LYPLAL1: variants seen among roughly 807,000 people sequenced by gnomAD.
LYPLAL1 encodes the protein lysophospholipase like 1, also known as lysophospholipase-like protein 1.
LYPLAL1 carries 23 observed loss-of-function variants against 19.7 expected under a neutral mutation model. The observed-to-expected ratio is 1.17, with a 90% CI of 0.84 to 1.65. The LOEUF is 1.65. LYPLAL1 is among the 40% of genes most tolerant of loss of function. The pLI is 0.00. For synonymous variants in LYPLAL1, 119 were observed against 96.3 expected (o/e 1.24, Z -1.38); for missense variants, 355 against 279.4 (o/e 1.27, Z -1.93).
chr1:219,246,568 C>G, the LYPLAL1 span, among the ~76,000 whole-genome samples: 1 of 152,158 alleles, frequency 6.6e-6, no homozygotes, highest in African/African-American at 2.4e-5. Flanking sequence ...GCCCCGTTTA[C>G]AAGTAGACAA....
chr1:219,308,347 T>A, the LYPLAL1 span, among the ~76,000 whole-genome samples: 1 of 152,074 alleles, frequency 6.6e-6, no homozygotes, highest in African/African-American at 2.4e-5. Flanking sequence ...GAAAAGAAAA[T>A]CCCATTTTAT....
chr1:219,196,742 A>G (rs1279884421), intron 3 of LYPLAL1, among the ~76,000 whole-genome samples: 4 of 152,180 alleles, frequency 2.6e-5, no homozygotes, highest in South Asian at 4.1e-4. Flanking sequence ...TCCAATATCT[A>G]GAAAACTCTA....
At chr1:219,392,482 G>A in the LYPLAL1 span, among the ~76,000 whole-genome samples, 2 of 152,164 alleles carry the variant, frequency 1.3e-5, no homozygotes, top group Non-Finnish European at 2.9e-5. Context: ...GCTATGATGG[G>A]CAAGGGAATC....
intron 3 of LYPLAL1, among the ~76,000 whole-genome samples, chr1:219,203,849 A>G (rs1427614276): frequency 2.0e-5 from 3 of 152,222 alleles, no homozygotes; most frequent in South Asian, 4.1e-4. Flanking sequence ...CAATAGATCT[A>G]GTAGAATGAT....
At chr1:219,239,659 T>C in the LYPLAL1 span, among the ~76,000 whole-genome samples, 1 of 152,198 alleles carries the variant, frequency 6.6e-6, no homozygotes, top group Non-Finnish European at 1.5e-5. Context: ...CAATTTATAG[T>C]CAACTAAATG....
chr1:219,283,876 G>A, the LYPLAL1 span, among the ~76,000 whole-genome samples: 1 of 152,184 alleles, frequency 6.6e-6, no homozygotes, highest in Non-Finnish European at 1.5e-5. Context: ...TAATGTAGAT[G>A]TTCTATGCCT....
the LYPLAL1 span, among the ~76,000 whole-genome samples, chr1:219,383,985 C>T: frequency 6.6e-6 from 1 of 152,208 alleles, no homozygotes; most frequent in Non-Finnish European, 1.5e-5. Flanking sequence ...TGGTATCTCA[C>T]CACTCCCCTC....
the LYPLAL1 span, among the ~76,000 whole-genome samples, chr1:219,367,526 C>T: frequency 6.6e-6 from 1 of 151,510 alleles, no homozygotes; most frequent in Non-Finnish European, 1.5e-5. Context: ...AAAAAAAGTG[C>T]CAACACTGCC....
the LYPLAL1 span, chr1:219,271,452 C>T: frequency 2.0e-5 from 3 of 151,558 alleles, no homozygotes; most frequent in East Asian, 3.9e-4. Flanking sequence ...AGACCGGCTC[C>T]GTGAGTTTAA....
the LYPLAL1 span, among the ~76,000 whole-genome samples, chr1:219,379,638 C>G: frequency 6.6e-6 from 1 of 152,070 alleles, no homozygotes; most frequent in Non-Finnish European, 1.5e-5. Context: ...ATTTTGCCCT[C>G]TATGCAGTGA....
the LYPLAL1 span, among the ~76,000 whole-genome samples, chr1:219,401,419 G>A: frequency 5.3e-5 from 8 of 150,624 alleles, no homozygotes; most frequent in African/African-American, 1.7e-4. Context: ...GAATAATTGG[G>A]GAAAGGAAAT....
intron 3 of LYPLAL1, among the ~76,000 whole-genome samples, chr1:219,205,387 A>C (rs1005813307): frequency 6.6e-6 from 1 of 151,780 alleles, no homozygotes; most frequent in Admixed American, 6.6e-5. Context: ...AACAAAAAAA[A>C]CAAAAGCACT....
the LYPLAL1 span, among the ~76,000 whole-genome samples, chr1:219,259,924 G>C: frequency 4.4e-5 from 6 of 135,340 alleles, no homozygotes; most frequent in African/African-American, 1.6e-4. Context: ...AAAGAAGTTT[G>C]AGTAATTAAA....
chr1:219,320,099 T>A, the LYPLAL1 span, among the ~76,000 whole-genome samples: 1 of 152,204 alleles, frequency 6.6e-6, no homozygotes, highest in Non-Finnish European at 1.5e-5. Context: ...GCTACAGTCC[T>A]TGTTTCTGTA....
chr1:219,178,414 C>T (rs1406242139), intron 1 of LYPLAL1, among the ~76,000 whole-genome samples: 1 of 152,142 alleles, frequency 6.6e-6, no homozygotes, highest in East Asian at 1.9e-4. Flanking sequence ...GACACATTAA[C>T]AGGGATTCAA....
the LYPLAL1 span, among the ~76,000 whole-genome samples, chr1:219,321,185 T>C: frequency 6.6e-6 from 1 of 152,232 alleles, no homozygotes; most frequent in African/African-American, 2.4e-5. Context: ...ATTTCTGTGA[T>C]GGTCAGTGAT....
chr1:219,381,557 T>A, the LYPLAL1 span, among the ~76,000 whole-genome samples: 1 of 152,168 alleles, frequency 6.6e-6, no homozygotes, highest in Admixed American at 6.5e-5. Flanking sequence ...ACACATTCTT[T>A]CCCTGGGCCA....
chr1:219,365,612 G>A, the LYPLAL1 span, among the ~76,000 whole-genome samples: 6 of 152,054 alleles, frequency 3.9e-5, no homozygotes, highest in African/African-American at 1.4e-4. Flanking sequence ...TTTAGACCTG[G>A]GAATGGTGCC....
chr1:219,244,794 A>G, the LYPLAL1 span, among the ~76,000 whole-genome samples: 1 of 151,930 alleles, frequency 6.6e-6, no homozygotes. Flanking sequence ...AAAAATATAA[A>G]AAGTTAGCCA....
Sources: gnomAD v4.1 joint callset for allele counts (sites outside exome capture counted in the v4.1 genomes callset) on GRCh38, gnomAD v4.1.1 for gene constraint, MANE v1.5 for transcripts, NCBI Gene and HGNC (gene_info 2026-07-23, HGNC 2026-07-21) for gene names.